WDR59: variants seen among roughly 807,000 people sequenced by gnomAD.
WDR59 encodes the protein GATOR2 complex protein WDR59.
WDR59 carries 100 observed loss-of-function variants against 131.2 expected under a neutral mutation model. The ratio of observed to expected loss-of-function variants is 0.76; its 90% CI spans 0.65 to 0.90. The LOEUF is 0.90. Among genes scored for constraint, WDR59 ranks in the 40% least tolerant of loss-of-function variants. The pLI, the probability that WDR59 is intolerant of heterozygous loss-of-function variation, is 0.00. For synonymous variants in WDR59, 601 were observed against 466.2 expected, an observed-to-expected ratio of 1.29 and a Z score of -3.72; for missense variants, 1,203 against 1,262.2, an observed-to-expected ratio of 0.95 and a Z score of 0.71.
rs187919000 is a variant in WDR59 at position 74,985,065 on chromosome 16, G to A, written c.-48C>T. The A allele has an allele frequency of 4.9e-6, 7 of 1,422,618 alleles. 1 individual carries two copies. The Middle Eastern group carries it at 7.5e-4, about 152-fold the overall frequency. The allele number at this position is 1,422,618 out of a possible 1,614,324, so 88.1% of individuals were successfully genotyped here. On this transcript the variant is annotated 5_prime_UTR_variant, in exon 1 of 26. Coordinates refer to ENST00000262144, the MANE Select transcript of WDR59 (RefSeq NM_030581.4). ...CCCCAGGACGGCGCCCTCCCACCCC[G>A]CCGTCCCCAGTATCCCGGGACCGTG...
chr16:74,962,961 A>G (rs370537751), intron 2 of WDR59: 2 of 152,128 alleles, frequency 1.3e-5, no homozygotes, highest in Admixed American at 1.3e-4. Context: ...AAATTACTCT[A>G]TTATAAAGAT....
At chr16:74,964,348 C>T (rs900690227) in intron 2 of WDR59, among the ~76,000 whole-genome samples, 1 of 149,780 alleles carries the variant, frequency 6.7e-6, no homozygotes, top group Admixed American at 6.7e-5. Context: ...CACTGCACTC[C>T]AGCCTGGGCA....
chr16:74,909,572 G>T lies in WDR59; in HGVS notation c.1571C>A (p.Thr524Lys), dbSNP rs545945156. The T allele has an allele frequency of 6.2e-7, 1 of 1,610,966 alleles. No homozygotes were observed. The highest frequency in any genetic ancestry group is 2.2e-5 in the East Asian group (1 of 44,814). Residue 524 changes from threonine to lysine, a missense_variant, in exon 16 of 26, where the codon ACG (threonine) becomes AAG (lysine). Transcript: ENST00000262144. ...GGCGTCCTGGTACGACCCGTAAGCC[G>T]TGGTCACCCGCGCAAACGTCGGTAA... ...PPLPTFARVT[T>K]AYGSYQDANI...
At position 74,915,933 on chromosome 16, in the gene WDR59, C is replaced by A. The variant is rs776557487; in HGVS notation, c.1161G>T (p.Leu387=). 4 of 1,614,208 alleles carry A rather than the reference C, an allele frequency of 2.5e-6. No homozygotes were observed. In the Admixed American group the frequency reaches 5.0e-5, roughly 20 times the overall value. The change falls in exon 13 of 26, where the codon CTG becomes CTT. Residue 387 remains leucine (L), a synonymous_variant. Transcript: ENST00000262144. The part of the protein sequence containing the change: ...LEERKSDQLG[L]PQTLQQEFSL... ...AGAATTCCTGCTGCAAGGTCTGAGG[C>A]AGCCCCAGTTGATCTGATTTCCTCT...
intron 17 of WDR59, 75 bp downstream of exon 17, chr16:74,908,833 C>G: frequency 7.9e-7 from 1 of 1,266,682 alleles, no homozygotes; most frequent in Non-Finnish European, 1.1e-6. Context: ...AAAGCAAACT[C>G]AGTGGTCCTT....
chr16:74,885,135 T>C (rs752039479), intron 25 of WDR59, among the ~76,000 whole-genome samples: 2 of 152,152 alleles, frequency 1.3e-5, no homozygotes, highest in Non-Finnish European at 2.9e-5. Context: ...GAGTACTGTA[T>C]ATCAACTACT....
chr16:74,885,893 T>C, intron 24 of WDR59, 98 bp from the exon 25 acceptor site: 2 of 1,450,166 alleles, frequency 1.4e-6, no homozygotes, highest in Non-Finnish European at 1.9e-6. Flanking sequence ...GCAACAGTCC[T>C]GGCCAGGCAC....
chr16:74,912,810 G>A (rs1966165449), intron 13 of WDR59, among the ~76,000 whole-genome samples: 1 of 152,194 alleles, frequency 6.6e-6, no homozygotes, highest in Admixed American at 6.5e-5. Flanking sequence ...GGAAACAAAG[G>A]GATGGGCTGA....
intron 2 of WDR59, chr16:74,962,789 T>C (rs1449551885): frequency 6.6e-6 from 1 of 151,442 alleles, no homozygotes; most frequent in African/African-American, 2.4e-5. Context: ...TTTTTTTCTC[T>C]CTTCCTATTT....
At chr16:74,958,592 C>CAAAAAAAAAA (rs747175030) in intron 2 of WDR59, among the ~76,000 whole-genome samples, 333 of 13,228 alleles carry the variant, frequency 0.025, 79 homozygotes, top group Middle Eastern at 0.14. Context: ...GACTCCATCT[C>CAAAAAAAAAA]AAAAAAAAAA....
intron 11 of WDR59, 81 bp downstream of exon 11, chr16:74,917,848 C>T: frequency 2.7e-6 from 3 of 1,129,482 alleles, no homozygotes; most frequent in Non-Finnish European, 3.9e-6. Flanking sequence ...TATCCTGTAA[C>T]CTCTAATTTC....
intron 6 of WDR59, among the ~76,000 whole-genome samples, chr16:74,943,938 C>T (rs1264641592): frequency 1.3e-5 from 2 of 152,162 alleles, no homozygotes; most frequent in Non-Finnish European, 2.9e-5. Context: ...TCATCTAGAA[C>T]AAATGGTGGA....
chr16:74,927,911 T>TC (rs965180160), intron 8 of WDR59, among the ~76,000 whole-genome samples: 8 of 144,392 alleles, frequency 5.5e-5, no homozygotes, highest in Admixed American at 1.4e-4. Flanking sequence ...TTTCTTTCTT[T>TC]TTTTTTTTTT....
At position 74,909,566 on chromosome 16, in the gene WDR59, T is replaced by C; in HGVS notation, c.1577A>G (p.Tyr526Cys). 6.2e-7 allele frequency: 1 copy of C among 1,611,002 alleles called. No individual in the cohort carries two copies. Among genetic ancestry groups the C allele is most frequent in the South Asian group, 1.1e-5 (1 of 90,602 alleles). Residue 526 changes from tyrosine to cysteine, a missense_variant, in exon 16 of 26, where the codon TAC becomes TGC. Tyr to Cys is a radical substitution (Grantham distance 194). Transcript: ENST00000262144. The part of the protein sequence containing the change: ...LPTFARVTTA[Y>C]GSYQDANIPF... ...AATGTTGGCGTCCTGGTACGACCCG[T>C]AAGCCGTGGTCACCCGCGCAAACGT...
rs56943510 is a variant in WDR59, at chr16:74,979,838, C to CTTTTTTT, written c.54+5119_54+5125dup. ...ACAGGTGTGAGTCACCACACCCGGC[C>CTTTTTTT]TTTTTTTTTTTTTTTTTTTTTTTTC... On this transcript the variant is annotated intron_variant, in intron 1 of 25. Transcript: ENST00000262144. 1.5e-4 allele frequency among the ~76,000 whole-genome samples: 9 copies of CTTTTTTT among 60,506 alleles called. 1 individual carries two copies. The highest frequency in any genetic ancestry group is 7.5e-4 in the East Asian group (1 of 1,330). The allele number at this position is 60,506 out of a possible 152,430, so 39.7% of individuals were successfully genotyped here. A position where few individuals can be genotyped will look rare whatever the true frequency, so the allele number is the denominator to read the frequency against.
At chr16:74,910,093 G>A (rs924773252) in intron 14 of WDR59, among the ~76,000 whole-genome samples, 176 bp from the exon 15 acceptor site, 9 of 150,490 alleles carry the variant, frequency 6.0e-5, no homozygotes, top group African/African-American at 2.0e-4. Flanking sequence ...TCAGCCTCCC[G>A]AGTAGCTGGG....
chr16:74,881,801 A>C (rs1964498006), intron 25 of WDR59, among the ~76,000 whole-genome samples: 1 of 143,770 alleles, frequency 7.0e-6, no homozygotes, highest in Admixed American at 7.3e-5. Flanking sequence ...TGAACCAAGG[A>C]GGGGGAGGTT....
At position 74,985,108 on chromosome 16, in the gene WDR59, G is replaced by T. The variant is rs1213034758; in HGVS notation, c.-91C>A. The T allele has an allele frequency of 3.0e-6, 4 of 1,313,386 alleles. No individual in the cohort carries two copies. The highest frequency in any genetic ancestry group is 5.0e-5 in the East Asian group (2 of 39,708). 81.4% of individuals were successfully genotyped at this position (1,313,386 alleles called of 1,614,324 possible). Reference sequence around the variant, plus strand: ...GGACCGTGCGCCCCACACAGCCAGAGAATCAGCCCCGACACGCCCCGTGCC... The same window carrying T: ...GGACCGTGCGCCCCACACAGCCAGATAATCAGCCCCGACACGCCCCGTGCC... On this transcript the variant is annotated 5_prime_UTR_variant, in exon 1 of 26. Transcript: ENST00000262144.
chr16:74,936,148 C>T (rs2031781821), intron 8 of WDR59, among the ~76,000 whole-genome samples: 1 of 152,094 alleles, frequency 6.6e-6, no homozygotes, highest in Non-Finnish European at 1.5e-5. Context: ...TCCCAAAGTG[C>T]TGGGATTATA....
Sources: gnomAD v4.1 joint callset for allele counts (sites outside exome capture counted in the v4.1 genomes callset) on GRCh38, gnomAD v4.1.1 for gene constraint, MANE v1.5 for transcripts, NCBI Gene and HGNC (gene_info 2026-07-23, HGNC 2026-07-21) for gene names.